Variants in DLG2 observed in about 807,000 individuals in gnomAD.
The protein encoded by DLG2 is discs large MAGUK scaffold protein 2.
DLG2 carries 45 observed loss-of-function variants against 132.5 expected under a neutral mutation model. The ratio of observed to expected loss-of-function variants is 0.34; its 90% CI spans 0.27 to 0.44. The LOEUF (loss-of-function observed/expected upper bound fraction) is 0.44, where lower values mean the gene tolerates loss of function less well. DLG2 is among the 20% of genes least tolerant of loss of function. DLG2 has a pLI of 1.00. For synonymous variants in DLG2, 424 were observed against 419.6 expected (o/e 1.01, Z -0.13); for missense variants, 1,045 against 1,196.9 (o/e 0.87, Z 1.87).
At position 83,503,369 on chromosome 11, in the gene DLG2, TTATATATATATATATATATATATATATA is replaced by T. The variant is rs34969401; in HGVS notation, c.2194-19169_2194-19142del. Among the ~76,000 whole-genome samples, 144 of 90,718 alleles carry T rather than the reference TTATATATATATATATATATATATATATA, an allele frequency of 1.6e-3. 5 individuals are homozygous for T. The highest frequency in any genetic ancestry group is 5.7e-3 in the African/African-American group (137 of 24,036). 59.5% of individuals were successfully genotyped at this position (90,718 alleles called of 152,430 possible). On this transcript the variant is annotated intron_variant, in intron 21 of 27. Coordinates refer to ENST00000376104, the MANE Select transcript of DLG2 (RefSeq NM_001142699.3). ...TATATATATACACACACACACCCAT[TTATATATATATATATATATATATATATA>T]TATATATATATATATATATATATAT...
intron 11 of DLG2, among the ~76,000 whole-genome samples, chr11:83,987,000 T>C (rs2093366745): frequency 6.6e-6 from 1 of 152,122 alleles, no homozygotes; most frequent in African/African-American, 2.4e-5. Context: ...TTTTCTCCCA[T>C]TTTGTAGGTT....
intron 7 of DLG2, among the ~76,000 whole-genome samples, chr11:84,361,919 C>T (rs2098651943): frequency 6.6e-6 from 1 of 151,572 alleles, no homozygotes; most frequent in African/African-American, 2.4e-5. Flanking sequence ...GGTAATAAGC[C>T]AATAGTTGAT....
chr11:85,541,756 A>G (rs1281393501), intron 3 of DLG2, among the ~76,000 whole-genome samples: 1 of 152,192 alleles, frequency 6.6e-6, no homozygotes, highest in Non-Finnish European at 1.5e-5. Flanking sequence ...CAAATTCTGC[A>G]TCATGAATTC....
At chr11:83,932,648 CTG>C (rs1203706357) in intron 14 of DLG2, among the ~76,000 whole-genome samples, 1 of 151,866 alleles carries the variant, frequency 6.6e-6, no homozygotes, top group Non-Finnish European at 1.5e-5. Flanking sequence ...AGGCTACAGT[CTG>C]AACACAGAAA....
intron 16 of DLG2, among the ~76,000 whole-genome samples, chr11:83,865,913 A>G (rs1299874389): frequency 6.6e-6 from 1 of 152,132 alleles, no homozygotes; most frequent in African/African-American, 2.4e-5. Flanking sequence ...GCTCAGTCAT[A>G]CACTCAGACA....
At chr11:83,867,077 T>C (rs902838677) in intron 16 of DLG2, among the ~76,000 whole-genome samples, 3 of 152,188 alleles carry the variant, frequency 2.0e-5, no homozygotes, top group Non-Finnish European at 2.9e-5. Context: ...TGATTCTAGT[T>C]AACAAAAAAC....
chr11:83,804,341 C>A (rs1230200660), intron 17 of DLG2, among the ~76,000 whole-genome samples: 1 of 152,066 alleles, frequency 6.6e-6, no homozygotes, highest in Non-Finnish European at 1.5e-5. Context: ...TTCAAAATAT[C>A]TGTTGCTTTT....
intron 21 of DLG2, among the ~76,000 whole-genome samples, chr11:83,530,765 G>A (rs886948610): frequency 6.6e-6 from 1 of 151,838 alleles, no homozygotes; most frequent in Non-Finnish European, 1.5e-5. Context: ...AGGAAAAAAG[G>A]CATCCATATT....
chr11:83,771,841 A>G lies in DLG2; in HGVS notation c.1825+14849T>C, dbSNP rs560401273. Among the ~76,000 whole-genome samples the G allele has an allele frequency of 2.6e-5, 4 of 152,340 alleles. No individual in the cohort carries two copies. In the East Asian group the frequency reaches 5.8e-4, roughly 22 times the overall value. ...GAGGTATTTACGCGTTGACTATTGC[A>G]TAATGAAAACGGATTATAAATATCT... On this transcript the variant is annotated intron_variant, in intron 18 of 27. Transcript: ENST00000376104.
intron 6 of DLG2, among the ~76,000 whole-genome samples, chr11:84,819,058 C>T (rs777484987): frequency 2.3e-5 from 3 of 132,156 alleles, no homozygotes. Flanking sequence ...CACTGGCCCA[C>T]ACTCCCTCAC....
intron 7 of DLG2, among the ~76,000 whole-genome samples, chr11:84,409,597 A>G (rs2098887520): frequency 6.6e-6 from 1 of 152,234 alleles, no homozygotes; most frequent in Non-Finnish European, 1.5e-5. Context: ...TTAAAGATAA[A>G]GACAATAAGC....
intron 18 of DLG2, among the ~76,000 whole-genome samples, chr11:83,685,529 T>C (rs1433683060): frequency 3.3e-5 from 5 of 152,134 alleles, no homozygotes; most frequent in Non-Finnish European, 7.4e-5. Flanking sequence ...ACTTCACTAA[T>C]CTATCCTTCT....
intron 6 of DLG2, among the ~76,000 whole-genome samples, chr11:84,686,619 C>T (rs2099738366): frequency 1.4e-5 from 2 of 146,352 alleles, no homozygotes; most frequent in South Asian, 4.4e-4. Context: ...ATTCTTTCAA[C>T]TGGCCTTGAG....
intron 11 of DLG2, among the ~76,000 whole-genome samples, chr11:84,042,883 G>T (rs1249287229): frequency 6.6e-6 from 1 of 151,804 alleles, no homozygotes; most frequent in Non-Finnish European, 1.5e-5. Context: ...GGCCTGTAGG[G>T]GGTGAGGTGC....
intron 25 of DLG2, among the ~76,000 whole-genome samples, chr11:83,467,808 T>TATATATAC (rs2091384985): frequency 1.2e-5 from 1 of 85,270 alleles, no homozygotes; most frequent in South Asian, 3.7e-4. Context: ...TATATATATA[T>TATATATAC]ATACACACAC....
chr11:83,826,242 C>A (rs949224768), intron 17 of DLG2, among the ~76,000 whole-genome samples: 1 of 152,180 alleles, frequency 6.6e-6, no homozygotes. Context: ...CATAGTCAGG[C>A]CCTGCTGAAT....
intron 6 of DLG2, among the ~76,000 whole-genome samples, chr11:84,869,894 T>G (rs931993827): frequency 6.6e-6 from 1 of 152,230 alleles, no homozygotes; most frequent in Non-Finnish European, 1.5e-5. Flanking sequence ...CTAGAATACT[T>G]AAGAGTATTT....
chr11:84,973,252 C>T (rs1468535926), intron 6 of DLG2, among the ~76,000 whole-genome samples: 1 of 152,116 alleles, frequency 6.6e-6, no homozygotes, highest in Non-Finnish European at 1.5e-5. Context: ...AGCCACCACG[C>T]CTGGCCTAAG....
chr11:83,836,722 A>C (rs2056269063), intron 16 of DLG2, among the ~76,000 whole-genome samples: 1 of 152,218 alleles, frequency 6.6e-6, no homozygotes, highest in South Asian at 2.1e-4. Context: ...ACTATCAGAG[A>C]GACAACGGTG....
Sources: allele counts gnomAD v4.1 joint callset (sites outside exome capture counted in the v4.1 genomes callset), GRCh38; gene constraint gnomAD v4.1.1; transcripts MANE v1.5; gene names NCBI Gene and HGNC (gene_info 2026-07-23, HGNC 2026-07-21).